Variants in FRMD3 observed in about 807,000 individuals in gnomAD.
The protein encoded by FRMD3 is FERM domain-containing protein 3.
A neutral mutation model predicts 70.2 loss-of-function variants in FRMD3; 33 were observed. The ratio of observed to expected loss-of-function variants is 0.47; its 90% confidence interval spans 0.36 to 0.63. The LOEUF (loss-of-function observed/expected upper bound fraction) is 0.63, where lower values mean the gene tolerates loss of function less well. FRMD3 is among the 20% of genes least tolerant of loss of function. FRMD3 has a pLI of 0.00. For missense variants in FRMD3, 632 were observed against 711.4 expected (o/e 0.89, Z 1.27); for synonymous variants, 279 against 255.9 (o/e 1.09, Z -0.86).
the FRMD3 span, among the ~76,000 whole-genome samples, chr9:83,581,853 C>A: frequency 1.3e-5 from 2 of 152,132 alleles, no homozygotes; most frequent in East Asian, 3.8e-4. Flanking sequence ...TGTATGAATT[C>A]TTTTATGTGA....
intron 2 of FRMD3, among the ~76,000 whole-genome samples, chr9:83,376,655 T>G (rs3904189): frequency 0.74 from 109,853 of 148,810 alleles, 40,961 homozygotes; most frequent in African/African-American, 0.81. Context: ...TGCCCAGGCT[T>G]GTCTCAAAAG....
rs113661085 is a variant in FRMD3 at position 83,410,652 on chromosome 9, T to C, written c.148-20944A>G. 4.4e-3 allele frequency among the ~76,000 whole-genome samples: 670 copies of C among 152,322 alleles called. 3 individuals carry two copies. Among genetic ancestry groups the C allele is most frequent in the African/African-American group, 0.015 (639 of 41,568 alleles). On this transcript the variant is annotated intron_variant, in intron 1 of 13. Transcript: ENST00000304195. ...TTTGGTAGAATAATTTATTTTCTTT[T>C]GGATACATACCCAGTAATGGGATTG...
At chr9:83,280,242 G>A (rs1215539919) in intron 13 of FRMD3, among the ~76,000 whole-genome samples, 2 of 152,152 alleles carry the variant, frequency 1.3e-5, no homozygotes, top group African/African-American at 4.8e-5. Context: ...ACAAATGAAT[G>A]AACAAAGCTT....
intron 13 of FRMD3, among the ~76,000 whole-genome samples, chr9:83,267,608 G>A (rs943627551): frequency 6.6e-5 from 10 of 151,666 alleles, no homozygotes; most frequent in Non-Finnish European, 1.3e-4. Context: ...TTCAAAGAGG[G>A]AAAAAAAGCA....
At chr9:83,521,021 C>A (rs1829560672) in intron 1 of FRMD3, among the ~76,000 whole-genome samples, 2 of 148,650 alleles carry the variant, frequency 1.3e-5, no homozygotes, top group Non-Finnish European at 3.0e-5. Flanking sequence ...CACCTGTAAT[C>A]CCAGCTACTC....
chr9:83,383,946 A>C (rs1427155315), intron 2 of FRMD3, among the ~76,000 whole-genome samples: 1 of 152,224 alleles, frequency 6.6e-6, no homozygotes, highest in Non-Finnish European at 1.5e-5. Context: ...TTAAAGACCA[A>C]GTACTGCTTT....
chr9:83,245,172 C>G lies in FRMD3; in HGVS notation c.*2746G>C. ...GAGGGGCATATATGTTGTGTCTATTCAAAGACACACATATATACAGATTCA... is the reference window on the plus strand; with the variant it reads ...GAGGGGCATATATGTTGTGTCTATTGAAAGACACACATATATACAGATTCA... On this transcript the variant is annotated 3_prime_UTR_variant, in exon 14 of 14. Transcript: ENST00000304195. The G allele has an allele frequency of 2.0e-6, 2 of 984,748 alleles. No homozygotes were observed. The highest frequency in any genetic ancestry group is 2.4e-6 in the Non-Finnish European group (2 of 829,374). The allele number at this position is 984,748 out of a possible 1,614,324, so 61.0% of individuals were successfully genotyped here.
intron 1 of FRMD3, among the ~76,000 whole-genome samples, chr9:83,515,535 A>G (rs910591105): frequency 3.3e-5 from 5 of 152,254 alleles, no homozygotes; most frequent in African/African-American, 1.2e-4. Flanking sequence ...ATCAAATTAG[A>G]AAATACTCTT....
At chr9:83,487,485 G>A (rs1364177931) in intron 1 of FRMD3, among the ~76,000 whole-genome samples, 1 of 152,132 alleles carries the variant, frequency 6.6e-6, no homozygotes, top group East Asian at 1.9e-4. Flanking sequence ...AAAGTCTTCT[G>A]AAGCCATAGG....
At chr9:83,299,654 T>A (rs563029198) in intron 10 of FRMD3, among the ~76,000 whole-genome samples, 1 of 152,354 alleles carries the variant, frequency 6.6e-6, no homozygotes, top group East Asian at 1.9e-4. Flanking sequence ...GGTCACTGAC[T>A]ATGCCACGAA....
intron 1 of FRMD3, among the ~76,000 whole-genome samples, chr9:83,434,464 C>A (rs1161063924): frequency 6.6e-6 from 1 of 152,208 alleles, no homozygotes; most frequent in African/African-American, 2.4e-5. Context: ...AGAGGATGCA[C>A]ACAAAGCTCC....
At chr9:83,362,778 TATTTC>T (rs1564035829) in intron 3 of FRMD3, among the ~76,000 whole-genome samples, 4 of 145,280 alleles carry the variant, frequency 2.8e-5, no homozygotes, top group African/African-American at 1.1e-4. Flanking sequence ...CTTCCTTCCT[TATTTC>T]CTTCCCTCCT....
At chr9:83,269,237 T>C (rs1451523482) in intron 13 of FRMD3, among the ~76,000 whole-genome samples, 3 of 152,238 alleles carry the variant, frequency 2.0e-5, no homozygotes, top group Admixed American at 6.5e-5. Context: ...TCTTTATGTT[T>C]ATCATCATGT....
chr9:83,456,030 T>C (rs1483940102), intron 1 of FRMD3, among the ~76,000 whole-genome samples: 4 of 152,216 alleles, frequency 2.6e-5, no homozygotes. Flanking sequence ...CCATGGAAAG[T>C]AAGCCTCCTC....
intron 1 of FRMD3, among the ~76,000 whole-genome samples, chr9:83,519,026 A>G (rs1829513847): frequency 6.6e-6 from 1 of 152,258 alleles, no homozygotes; most frequent in Non-Finnish European, 1.5e-5. Context: ...TAAGCCCTAA[A>G]ACCATAAAAA....
chr9:83,285,709 A>C (rs1027735344), intron 13 of FRMD3, among the ~76,000 whole-genome samples: 5 of 152,224 alleles, frequency 3.3e-5, no homozygotes, highest in African/African-American at 1.2e-4. Flanking sequence ...AAAACACAGA[A>C]GCACGGTGCT....
intron 2 of FRMD3, among the ~76,000 whole-genome samples, chr9:83,375,708 G>T (rs1009966917): frequency 6.6e-6 from 1 of 152,128 alleles, no homozygotes; most frequent in African/African-American, 2.4e-5. Context: ...CACACACTGG[G>T]GCCTATCAGA....
intron 13 of FRMD3, among the ~76,000 whole-genome samples, chr9:83,272,080 C>A (rs940075914): frequency 6.6e-6 from 1 of 151,870 alleles, no homozygotes; most frequent in African/African-American, 2.4e-5. Flanking sequence ...CTCCCCCTCC[C>A]CCTCTCCCTC....
chr9:83,272,815 G>A lies in FRMD3; in HGVS notation c.1195+17788C>T, dbSNP rs562004234. ...CCGCCCCGTCTGGGATGTGAGGAGC[G>A]CCTCTGCCCGGCCACGACCCCATCT... On this transcript the variant is annotated intron_variant, in intron 13 of 13. Transcript: ENST00000304195. 1.4e-4 allele frequency among the ~76,000 whole-genome samples: 20 copies of A among 147,630 alleles called. No individual in the cohort carries two copies. In the South Asian group the frequency reaches 2.8e-3, roughly 21 times the overall value.
Sources: allele counts gnomAD v4.1 joint callset (sites outside exome capture counted in the v4.1 genomes callset), GRCh38; gene constraint gnomAD v4.1.1; transcripts MANE v1.5; gene names NCBI Gene and HGNC (gene_info 2026-07-23, HGNC 2026-07-21).